DNM1L: variants seen among roughly 807,000 people sequenced by gnomAD.
DNM1L encodes the protein dynamin-1-like protein.
In DNM1L, 33 loss-of-function variants were observed where a neutral mutation model predicts 92.8. That is an observed-to-expected ratio of 0.36 (90% CI 0.27 to 0.48). DNM1L has a LOEUF of 0.48. Among genes scored for constraint, DNM1L ranks in the 20% least tolerant of loss-of-function variants. The probability of loss-of-function intolerance (pLI) is 0.99; values close to 1 mark genes in which losing one functional copy is unlikely to be tolerated. For synonymous variants in DNM1L, 284 were observed against 305.0 expected (o/e 0.93, Z 0.72); for missense variants, 485 against 888.8 (o/e 0.55, Z 5.78).
At chr12:32,712,649 C>CAAAA (rs59906286) in intron 5 of DNM1L, among the ~76,000 whole-genome samples, 33 of 29,782 alleles carry the variant, frequency 1.1e-3, no homozygotes, top group East Asian at 1.6e-3. Flanking sequence ...GACCCTGTCT[C>CAAAA]AAAAAAAAAA....
In DNM1L at chr12:32,743,494, C is replaced by CTGTGTATTGCAATGGTATGAATCTGCTCA; in HGVS notation, c.*89_*117dup. 7.8e-7 allele frequency: 1 copy of CTGTGTATTGCAATGGTATGAATCTGCTCA among 1,289,978 alleles called. No homozygotes were observed. The highest frequency in any genetic ancestry group is 1.5e-5 in the African/African-American group (1 of 68,076). 79.9% of individuals were successfully genotyped at this position (1,289,978 alleles called of 1,614,324 possible). A position where few individuals can be genotyped will look rare whatever the true frequency, so the allele number is the denominator to read the frequency against. ...TGAGTAGAATCTTATTTATGAACTC[C>CTGTGTATTGCAATGGTATGAATCTGCTCA]TGTGTATTGCAATGGTATGAATCTG... On this transcript the variant is annotated 3_prime_UTR_variant, in exon 20 of 20. Transcript: ENST00000549701.
At chr12:32,696,269 C>G (rs1015474252) in intron 1 of DNM1L, among the ~76,000 whole-genome samples, 1 of 152,036 alleles carries the variant, frequency 6.6e-6, no homozygotes, top group Non-Finnish European at 1.5e-5. Flanking sequence ...GGTGTGGTAG[C>G]TCATACCTGT....
rs1234026269 is a variant in DNM1L, at chr12:32,740,546, A to G, written c.1994+28A>G. On this transcript the variant is annotated intron_variant, in intron 18 of 19. Coordinates refer to ENST00000549701, the MANE Select transcript of DNM1L (RefSeq NM_012062.5). ...TAGTATTACTTAATATAAATGACGGACTTTAATACTTCTGGATGATTCTGT... is the reference window on the plus strand; with the variant it reads ...TAGTATTACTTAATATAAATGACGGGCTTTAATACTTCTGGATGATTCTGT... The G allele has an allele frequency of 2.6e-6, 4 of 1,538,514 alleles. No homozygotes were observed. In the South Asian group the frequency reaches 4.5e-5, roughly 17 times the overall value.
intron 14 of DNM1L, 151 bp downstream of exon 14, chr12:32,737,312 T>C: frequency 2.7e-6 from 2 of 741,546 alleles, no homozygotes; most frequent in Non-Finnish European, 4.5e-6. Flanking sequence ...AAGTTTAAAA[T>C]GGGTTTTGAG....
Position 32,743,721 on chromosome 12 carries a change from G to A in DNM1L, c.*311G>A. On this transcript the variant is annotated 3_prime_UTR_variant, in exon 20 of 20. Transcript: ENST00000549701. Reference sequence around the variant, plus strand: ...TAGTTGTGCAAAGCAGTTTGCCTGTGGATAAGATGACCTGTGTAATAATCT... The same window carrying A: ...TAGTTGTGCAAAGCAGTTTGCCTGTAGATAAGATGACCTGTGTAATAATCT... The A allele has an allele frequency of 2.7e-6, 1 of 365,122 alleles. No individual in the cohort carries two copies. The highest frequency in any genetic ancestry group is 5.1e-6 in the Non-Finnish European group (1 of 197,004). The allele number at this position is 365,122 out of a possible 1,614,324, so 22.6% of individuals were successfully genotyped here.
chr12:32,743,137 C>T (rs907901896), intron 19 of DNM1L, among the ~76,000 whole-genome samples: 9 of 151,710 alleles, frequency 5.9e-5, no homozygotes, highest in South Asian at 4.2e-4. Flanking sequence ...CCTCATGATC[C>T]GCCCGCCTCG....
At position 32,679,332 on chromosome 12, in the gene DNM1L, G is replaced by C; in HGVS notation, c.-32G>C. On this transcript the variant is annotated 5_prime_UTR_variant, in exon 1 of 20. Transcript: ENST00000549701. ...CCCGGCCCCATTCATTGCCGTGGCC[G>C]GCGGGCACTGGGGCCCCGTGTTTTC... 2 of 1,484,642 alleles carry C rather than the reference G, an allele frequency of 1.3e-6. No homozygotes were observed. The highest frequency in any genetic ancestry group is 1.9e-6 in the Non-Finnish European group (2 of 1,065,542). The allele number at this position is 1,484,642 out of a possible 1,614,324, so 92.0% of individuals were successfully genotyped here. A position where few individuals can be genotyped will look rare whatever the true frequency, so the allele number is the denominator to read the frequency against.
At chr12:32,739,441 G>A (rs1186363457) in intron 16 of DNM1L, among the ~76,000 whole-genome samples, 2 of 152,192 alleles carry the variant, frequency 1.3e-5, no homozygotes, top group East Asian at 3.9e-4. Context: ...GAGTACAGAG[G>A]TTGAGGGGAC....
chr12:32,720,964 G>A (rs546169814), intron 8 of DNM1L, among the ~76,000 whole-genome samples, 169 bp downstream of exon 8: 1 of 152,248 alleles, frequency 6.6e-6, no homozygotes, highest in South Asian at 2.1e-4. Flanking sequence ...TATTGGGGTG[G>A]TTGACATTAC....
chr12:32,733,095 C>T (rs1176350648), intron 12 of DNM1L, among the ~76,000 whole-genome samples: 2 of 151,948 alleles, frequency 1.3e-5, no homozygotes, highest in African/African-American at 4.8e-5. Context: ...AGCGAAACTC[C>T]GTCTCAAACA....
At chr12:32,718,591 A>G (rs1953658675) in intron 6 of DNM1L, 52 bp from the exon 7 acceptor site, 1 of 1,608,482 alleles carries the variant, frequency 6.2e-7, no homozygotes, top group Admixed American at 1.7e-5. Flanking sequence ...GTTGTATTTA[A>G]TGGATCATTT....
rs201259747 is a variant in DNM1L, at chr12:32,737,943, G to C, written c.1674+1G>C. 6.2e-7 allele frequency: 1 copy of C among 1,613,714 alleles called. No homozygotes were observed. Among genetic ancestry groups the C allele is most frequent in the Non-Finnish European group, 8.5e-7 (1 of 1,179,946 alleles). On this transcript the variant is annotated splice_donor_variant, in intron 15 of 19. Transcript: ENST00000549701. LOFTEE classifies it high-confidence loss of function. Reference sequence around the variant, plus strand: ...TGCTTCTGCTGAGGCTGATGGCAAGGTCTGTTCTGATTCTTAATCTAAGCC... The same window carrying C: ...TGCTTCTGCTGAGGCTGATGGCAAGCTCTGTTCTGATTCTTAATCTAAGCC...
At chr12:32,704,788 A>G (rs1952855493) in intron 2 of DNM1L, among the ~76,000 whole-genome samples, 1 of 152,188 alleles carries the variant, frequency 6.6e-6, no homozygotes, top group South Asian at 2.1e-4. Context: ...CACGAAGGTC[A>G]AGAGTTAACT....
At chr12:32,716,700 TTA>T (rs1487555600) in intron 6 of DNM1L, among the ~76,000 whole-genome samples, 1 of 147,598 alleles carries the variant, frequency 6.8e-6, no homozygotes. Context: ...AAAATCTATT[TTA>T]TATATATACT....
At chr12:32,708,062 G>A (rs1012410454) in intron 3 of DNM1L, 91 bp from the exon 4 acceptor site, 3 of 678,664 alleles carry the variant, frequency 4.4e-6, no homozygotes, top group African/African-American at 3.7e-5. Flanking sequence ...CAAATACATA[G>A]ACATCCTTGA....
At position 32,679,479 on chromosome 12, in the gene DNM1L, G is replaced by C; in HGVS notation, c.102+14G>C. On this transcript the variant is annotated intron_variant, in intron 1 of 19. Coordinates refer to ENST00000549701, the MANE Select transcript of DNM1L (RefSeq NM_012062.5). The stretch of plus-strand genomic sequence containing the variant: ...GTGGGAACGCAGGTGAGAGCAGCAG[G>C]CGGCGTTCGCTCGGGCCAGACCCCG... 2 of 1,606,158 alleles carry C rather than the reference G, an allele frequency of 1.2e-6. No homozygotes were observed. The highest frequency in any genetic ancestry group is 1.7e-6 in the Non-Finnish European group (2 of 1,176,728).
chr12:32,679,808 G>T, intron 1 of DNM1L: 2 of 1,022,638 alleles, frequency 2.0e-6, no homozygotes, highest in Non-Finnish European at 2.3e-6. Flanking sequence ...TCCGCGTGCC[G>T]CTGCCTCCAA....
chr12:32,745,068 C>G lies in DNM1L; in HGVS notation c.*1658C>G, dbSNP rs1328008054. The G allele has an allele frequency of 2.0e-6, 1 of 494,072 alleles. No homozygotes were observed. Among genetic ancestry groups the G allele is most frequent in the East Asian group, 5.5e-5 (1 of 18,298 alleles). The allele number at this position is 494,072 out of a possible 1,614,324, so 30.6% of individuals were successfully genotyped here. ...GAACAACAGGCTCACCAACTGATGT[C>G]AAACATAAAAACCCCCACATCAGTC... On this transcript the variant is annotated 3_prime_UTR_variant, in exon 20 of 20. Coordinates refer to ENST00000549701, the MANE Select transcript of DNM1L (RefSeq NM_012062.5).
chr12:32,712,421 C>CA (rs1221235966), intron 5 of DNM1L, among the ~76,000 whole-genome samples: 1 of 152,026 alleles, frequency 6.6e-6, no homozygotes. Context: ...TCTTAAGTGT[C>CA]AGTTGTCTCA....
Sources: gnomAD v4.1 joint callset for allele counts (sites outside exome capture counted in the v4.1 genomes callset) on GRCh38, gnomAD v4.1.1 for gene constraint, MANE v1.5 for transcripts, NCBI Gene and HGNC (gene_info 2026-07-23, HGNC 2026-07-21) for gene names.